Variants in CDH23 observed in about 807,000 individuals in gnomAD.
CDH23 encodes the protein cadherin related 23, also known as cadherin-23.
In CDH23, 189 loss-of-function variants were observed where a neutral mutation model predicts 317.1. That is an observed-to-expected ratio of 0.60 (90% CI 0.53 to 0.67). The LOEUF is 0.67. CDH23 is among the 30% of genes least tolerant of loss of function. The probability of loss-of-function intolerance (pLI) is 0.00; values close to 1 mark genes in which losing one functional copy is unlikely to be tolerated. For missense variants in CDH23, 4,401 were observed against 4,592.4 expected (o/e 0.96, Z 1.20); for synonymous variants, 1,839 against 1,876.8 (o/e 0.98, Z 0.52).
chr10:71,619,340 C>T (rs1861352755), intron 11 of CDH23, among the ~76,000 whole-genome samples: 1 of 151,822 alleles, frequency 6.6e-6, no homozygotes, highest in Non-Finnish European at 1.5e-5. Flanking sequence ...AAAAAAAACC[C>T]CAAAAAACAA....
rs58875306 is a variant in CDH23, at chr10:71,809,841, G to A, written c.8744G>A (p.Arg2915His). 9.9e-6 allele frequency: 16 copies of A among 1,612,676 alleles called. No individual in the cohort carries two copies. The highest frequency in any genetic ancestry group is 8.9e-5 in the East Asian group (4 of 44,872). ...GCAGGGAGCATGGACGGCATTCTGC[G>A]CACCTTCGACCTCTTCATGGCCTAC... The part of the protein sequence containing the change: ...FTMGSMDGIL[R>H]TFDLFMAYSP... Residue 2915 changes from arginine (R) to histidine (H), a missense_variant, in exon 61 of 70, where the codon CGC (arginine) becomes CAC (histidine). Physicochemically the swap from Arg to His is conservative, Grantham distance 29. This residue lies in a region of CDH23 where 1,144 missense variants were observed against 1,138.2 expected (regional missense o/e 1.01). Coordinates refer to ENST00000224721, the MANE Select transcript of CDH23 (RefSeq NM_022124.6).
intron 38 of CDH23, among the ~76,000 whole-genome samples, chr10:71,758,239 C>G (rs1354942243): frequency 6.6e-6 from 1 of 152,158 alleles, no homozygotes; most frequent in Non-Finnish European, 1.5e-5. Flanking sequence ...GTCACTGTAG[C>G]CTTTGAGTTG....
rs116954659 is a variant in CDH23, at chr10:71,423,210, G to A, written c.-5-16617G>A. Among the ~76,000 whole-genome samples the A allele has an allele frequency of 8.7e-3, 1,316 of 152,116 alleles. 16 individuals are homozygous for A. The highest frequency in any genetic ancestry group is 0.012 in the Non-Finnish European group (836 of 68,014). ...CACACAGTGCATGGAGGGTTCGAAC[G>A]GGGACATCTGTTTGTCAGAAACACA... On this transcript the variant is annotated intron_variant, in intron 1 of 69. Transcript: ENST00000224721.
chr10:71,715,626 G>A (rs1866180095), intron 28 of CDH23: 3 of 264,634 alleles, frequency 1.1e-5, no homozygotes, highest in Admixed American at 1.1e-4. Context: ...TCTAGGAGGT[G>A]GTTACGAGCC....
Position 71,763,909 on chromosome 10 carries a change from C to T in CDH23, c.4846-13771C>T, listed in dbSNP as rs138684920. 1.6e-3 allele frequency among the ~76,000 whole-genome samples: 246 copies of T among 152,218 alleles called. No individual in the cohort carries two copies. The South Asian group carries it at 0.019, about 12-fold the overall frequency. ...AACAACTTGTGATCCGATCCTGGGG[C>T]GCTTGTGTTTAAAGGAGAGTCTCCA... is the stretch of plus-strand genomic sequence containing the variant. On this transcript the variant is annotated intron_variant, in intron 38 of 69. Transcript: ENST00000224721.
intron 21 of CDH23, 122 bp from the exon 22 acceptor site, chr10:71,695,296 G>A: frequency 2.7e-6 from 2 of 736,670 alleles, no homozygotes; most frequent in South Asian, 1.5e-5. Flanking sequence ...CCCAAGGTTG[G>A]TGGAGCTGGC....
chr10:71,800,810 C>T, intron 53 of CDH23, 55 bp downstream of exon 53: 2 of 1,594,278 alleles, frequency 1.3e-6, no homozygotes, highest in Non-Finnish European at 8.5e-7. Flanking sequence ...GTGGAGGCAA[C>T]AAGCAAAGCC....
intron 14 of CDH23, among the ~76,000 whole-genome samples, chr10:71,665,375 G>T (rs76938338): frequency 3.3e-5 from 5 of 152,156 alleles, no homozygotes; most frequent in Non-Finnish European, 7.3e-5. Flanking sequence ...GCCTCATCTC[G>T]GAGCCTCTGT....
At chr10:71,476,852 C>A (rs1851819410) in intron 3 of CDH23, among the ~76,000 whole-genome samples, 1 of 152,196 alleles carries the variant, frequency 6.6e-6, no homozygotes, top group Admixed American at 6.5e-5. Flanking sequence ...CCTCTCATGG[C>A]TCTTCCAGAG....
intron 3 of CDH23, among the ~76,000 whole-genome samples, chr10:71,506,277 T>C (rs1301952773): frequency 6.6e-6 from 1 of 152,004 alleles, no homozygotes; most frequent in Non-Finnish European, 1.5e-5. Context: ...GAGTTTCCTT[T>C]GGAAAGGATG....
chr10:71,690,641 T>G, intron 20 of CDH23, 57 bp downstream of exon 20: 2 of 1,283,628 alleles, frequency 1.6e-6, no homozygotes, highest in Non-Finnish European at 2.2e-6. Context: ...TGACTGTCCA[T>G]ACCCGGCCCC....
rs370261405 is a variant in CDH23 at position 71,773,374 on chromosome 10, G to T, written c.4846-4306G>T. The T allele has an allele frequency of 2.3e-5, 37 of 1,609,590 alleles. No individual in the cohort carries two copies. The East Asian group carries it at 6.5e-4, about 28-fold the overall frequency. On this transcript the variant is annotated intron_variant, in intron 38 of 69. Transcript: ENST00000224721. ...CGACCTTACCTAGGGACGCAGCCAG[G>T]AAGAGAGCGAAGAGCAGGGATCCCC...
chr10:71,720,664 C>T (rs1456487283), intron 28 of CDH23, among the ~76,000 whole-genome samples: 2 of 152,232 alleles, frequency 1.3e-5, no homozygotes, highest in African/African-American at 4.8e-5. Flanking sequence ...TAGCTGTTCC[C>T]TCCTGCCCTT....
intron 6 of CDH23, among the ~76,000 whole-genome samples, chr10:71,563,356 C>G (rs1241591121): frequency 6.6e-6 from 1 of 152,132 alleles, no homozygotes; most frequent in Non-Finnish European, 1.5e-5. Flanking sequence ...CTCCCAGGCC[C>G]CCAGGTGCCC....
At chr10:71,780,438 G>A (rs1319241271) in intron 41 of CDH23, among the ~76,000 whole-genome samples, 1 of 152,230 alleles carries the variant, frequency 6.6e-6, no homozygotes. Context: ...GGAGGGCAAA[G>A]GTGAGTCAAG....
At chr10:71,407,900 A>T (rs1224446127) in intron 1 of CDH23, among the ~76,000 whole-genome samples, 1 of 152,180 alleles carries the variant, frequency 6.6e-6, no homozygotes, top group Non-Finnish European at 1.5e-5. Flanking sequence ...TAGGGGAAAA[A>T]TCCCCTTCTG....
intron 3 of CDH23, among the ~76,000 whole-genome samples, chr10:71,458,906 G>T (rs541958840): frequency 4.6e-5 from 7 of 152,202 alleles, no homozygotes; most frequent in African/African-American, 1.7e-4. Flanking sequence ...TTCTGCCTCA[G>T]CCTCCCAAGT....
Position 71,812,566 on chromosome 10 carries a change from TGA to T in CDH23, c.9469_9470del (p.Ser3157Ter). ...CATGAGGATGACCTACCGGAGAACC[TGA>T]GTGAGATCGCCGACCTGTGGAACAG... On this transcript the variant is annotated frameshift_variant, in exon 67 of 70. Coordinates refer to ENST00000224721, the MANE Select transcript of CDH23 (RefSeq NM_022124.6). LOFTEE classifies it high-confidence loss of function. 6.2e-7 allele frequency: 1 copy of T among 1,613,670 alleles called. No individual in the cohort carries two copies. Among genetic ancestry groups the T allele is most frequent in the Non-Finnish European group, 8.5e-7 (1 of 1,179,768 alleles).
chr10:71,795,739 C>T, intron 48 of CDH23: 4 of 926,792 alleles, frequency 4.3e-6, no homozygotes, highest in Non-Finnish European at 3.9e-6. Flanking sequence ...GCTCTGAGTC[C>T]CCACCATCCT....
Sources: gnomAD v4.1 joint callset for allele counts (sites outside exome capture counted in the v4.1 genomes callset) on GRCh38, gnomAD v4.1.1 for gene constraint, gnomAD v4.1.1 regional missense constraint, MANE v1.5 for transcripts, NCBI Gene and HGNC (gene_info 2026-07-23, HGNC 2026-07-21) for gene names.